Variants in KAZN observed in about 807,000 individuals in gnomAD.
The protein encoded by KAZN is kazrin, periplakin interacting protein.
KAZN carries 40 observed loss-of-function variants against 87.4 expected under a neutral mutation model. The ratio of observed to expected loss-of-function variants is 0.46; its 90% CI spans 0.36 to 0.60. The LOEUF (loss-of-function observed/expected upper bound fraction) is 0.60, where lower values mean the gene tolerates loss of function less well. Among genes scored for constraint, KAZN ranks in the 20% least tolerant of loss-of-function variants. The pLI is 0.00. For synonymous variants in KAZN, 466 were observed against 458.3 expected (o/e 1.02, Z -0.22); for missense variants, 898 against 1,073.9 (o/e 0.84, Z 2.29).
At chr1:15,078,724 G>C (rs200774758) in intron 8 of KAZN, among the ~76,000 whole-genome samples, 1 of 152,176 alleles carries the variant, frequency 6.6e-6, no homozygotes, top group Admixed American at 6.5e-5. Context: ...TCGGTCTGCA[G>C]CGCGCATGCT....
intron 1 of KAZN, among the ~76,000 whole-genome samples, chr1:14,706,712 G>C (rs866546323): frequency 6.6e-6 from 1 of 151,978 alleles, no homozygotes; most frequent in African/African-American, 2.4e-5. Flanking sequence ...ATATGAATCT[G>C]GGGGGAAAGG....
At chr1:14,605,465 A>G (rs930414816) in intron 1 of KAZN, among the ~76,000 whole-genome samples, 1 of 152,222 alleles carries the variant, frequency 6.6e-6, no homozygotes, top group South Asian at 2.1e-4. Flanking sequence ...ACGTAAACAT[A>G]GCATAATATA....
At chr1:14,537,751 C>T (rs1165700541) in intron 2 of KAZN, among the ~76,000 whole-genome samples, 1 of 152,178 alleles carries the variant, frequency 6.6e-6, no homozygotes, top group African/African-American at 2.4e-5. Flanking sequence ...CCCCATCCTT[C>T]CCAGTTCTTG....
At chr1:14,629,118 A>T (rs1679370138) in intron 1 of KAZN, among the ~76,000 whole-genome samples, 2 of 152,120 alleles carry the variant, frequency 1.3e-5, no homozygotes, top group African/African-American at 4.8e-5. Flanking sequence ...AAGTGCTTGG[A>T]TTACAGGTGT....
At position 14,558,803 on chromosome 1, in the gene KAZN, C is replaced by T. The variant is rs560427143; in HGVS notation, c.250-40180C>T. Among the ~76,000 whole-genome samples the T allele has an allele frequency of 1.3e-3, 200 of 152,150 alleles. 1 individual carries two copies. Among genetic ancestry groups the T allele is most frequent in the Middle Eastern group, 3.4e-3 (1 of 294 alleles). ...TATCTAGGTCTAGAGTAGGCTGTTC[C>T]GGTTAAGCATCTTTTTGTTGCACAG... is the stretch of plus-strand genomic sequence containing the variant. On this transcript the variant is annotated intron_variant, in intron 2 of 16. Coordinates refer to the KAZN transcript ENST00000636203.
chr1:14,393,625 C>T (rs980592534), intron 2 of KAZN, among the ~76,000 whole-genome samples: 1 of 151,918 alleles, frequency 6.6e-6, no homozygotes, highest in African/African-American at 2.4e-5. Flanking sequence ...GCACCCTCCC[C>T]AGTCTCTGAC....
At chr1:14,983,967 TA>T (rs953572408) in intron 2 of KAZN, among the ~76,000 whole-genome samples, 150 of 152,036 alleles carry the variant, frequency 9.9e-4, no homozygotes, top group African/African-American at 3.4e-3. Flanking sequence ...TAAATTAAAT[TA>T]AATTAATAAA....
At chr1:14,107,920 G>A (rs1644414546) in intron 1 of KAZN, among the ~76,000 whole-genome samples, 1 of 152,056 alleles carries the variant, frequency 6.6e-6, no homozygotes, top group Non-Finnish European at 1.5e-5. Flanking sequence ...TACTTGAACC[G>A]GTAATTCCTC....
At chr1:14,412,289 A>G (rs1664370767) in intron 2 of KAZN, among the ~76,000 whole-genome samples, 1 of 152,246 alleles carries the variant, frequency 6.6e-6, no homozygotes, top group South Asian at 2.1e-4. Context: ...CAAGATCTAT[A>G]TGCTCTATGC....
At chr1:14,641,266 C>A (rs1359125242) in intron 1 of KAZN, among the ~76,000 whole-genome samples, 1 of 152,140 alleles carries the variant, frequency 6.6e-6, no homozygotes, top group Non-Finnish European at 1.5e-5. Flanking sequence ...ACTGGCCAGG[C>A]AAAAGCCTCA....
In KAZN at chr1:14,735,262, G is replaced by T. The variant is rs571586520; in HGVS notation, c.226+136039G>T. 6.6e-5 allele frequency among the ~76,000 whole-genome samples: 10 copies of T among 152,190 alleles called. No homozygotes were observed. The highest frequency in any genetic ancestry group is 2.2e-4 in the African/African-American group (9 of 41,548). On this transcript the variant is annotated intron_variant, in intron 1 of 14. Coordinates refer to ENST00000376030, the MANE Select transcript of KAZN (RefSeq NM_201628.3). The surrounding 1 kb of genome is among the most constrained non-coding windows in gnomAD (Gnocchi z 4.3). ...TTTTTAGTAGAGACGGGGTTTCACCGTGTTAGCCAGGATGGTCTCGATCTC... is the reference window on the plus strand; with the variant it reads ...TTTTTAGTAGAGACGGGGTTTCACCTTGTTAGCCAGGATGGTCTCGATCTC...
At chr1:14,415,268 G>C (rs546609301) in intron 2 of KAZN, among the ~76,000 whole-genome samples, 1 of 152,186 alleles carries the variant, frequency 6.6e-6, no homozygotes, top group South Asian at 2.1e-4. Flanking sequence ...ACAATCCAGA[G>C]GCTGTAGTAT....
At chr1:14,560,846 A>T (rs1204863803) in intron 2 of KAZN, among the ~76,000 whole-genome samples, 2 of 152,132 alleles carry the variant, frequency 1.3e-5, no homozygotes, top group Non-Finnish European at 2.9e-5. Flanking sequence ...TTGTTATCTC[A>T]GGTATTGAAT....
Position 14,761,595 on chromosome 1 carries a change from G to A in KAZN, c.226+162372G>A, listed in dbSNP as rs1054292768. The stretch of plus-strand genomic sequence containing the variant: ...TCTGTAAGAAGAGTTTTTGAACCAC[G>A]GAAAACATTAGAATTTCAAGTGATT... On this transcript the variant is annotated intron_variant, in intron 1 of 14. Coordinates refer to ENST00000376030, the MANE Select transcript of KAZN (RefSeq NM_201628.3). 3.3e-5 allele frequency among the ~76,000 whole-genome samples: 5 copies of A among 152,098 alleles called. No homozygotes were observed. The South Asian group carries it at 8.3e-4, about 25-fold the overall frequency.
intron 2 of KAZN, among the ~76,000 whole-genome samples, chr1:14,328,633 G>A (rs929393226): frequency 6.6e-6 from 1 of 151,582 alleles, no homozygotes; most frequent in Non-Finnish European, 1.5e-5. Flanking sequence ...AACCCGAGAC[G>A]TGGAGCTTGT....
Position 14,561,761 on chromosome 1 carries a change from G to C in KAZN, c.250-37222G>C, listed in dbSNP as rs192657428. ...TCTACTAAAAATACAAAAATTAGCC[G>C]GGCGTGGTGGCGGGCACCTGTAATC... On this transcript the variant is annotated intron_variant, in intron 2 of 16. Transcript: ENST00000636203. 2.8e-4 allele frequency among the ~76,000 whole-genome samples: 43 copies of C among 152,060 alleles called. 1 individual carries two copies. The highest frequency in any genetic ancestry group is 1.9e-3 in the Admixed American group (29 of 15,284).
chr1:14,253,191 A>G (rs1052865609), intron 2 of KAZN, among the ~76,000 whole-genome samples: 1 of 151,718 alleles, frequency 6.6e-6, no homozygotes, highest in Admixed American at 6.6e-5. Flanking sequence ...TTGTCCAGGA[A>G]GAAGAGGAGG....
intron 1 of KAZN, among the ~76,000 whole-genome samples, chr1:14,171,054 T>C (rs1014796370): frequency 2.0e-5 from 3 of 152,204 alleles, no homozygotes; most frequent in Non-Finnish European, 4.4e-5. Flanking sequence ...GTGTGGTCTT[T>C]TGTGTCCGGT....
chr1:14,817,059 C>A (rs2100808864), intron 1 of KAZN, among the ~76,000 whole-genome samples: 1 of 152,360 alleles, frequency 6.6e-6, no homozygotes, highest in South Asian at 2.1e-4. Flanking sequence ...ACCACGCCCT[C>A]CTGCCTCTCA....
Sources: allele counts gnomAD v4.1 joint callset (sites outside exome capture counted in the v4.1 genomes callset), GRCh38; gene constraint gnomAD v4.1.1; non-coding constraint Gnocchi (gnomAD v3.1); transcripts MANE v1.5; gene names NCBI Gene and HGNC (gene_info 2026-07-23, HGNC 2026-07-21).